The following CCNJL variants were observed in gnomAD, a reference collection of about 807,000 sequenced individuals.
The protein encoded by CCNJL is cyclin J like, also known as cyclin-J-like protein.
Under a neutral mutation model 33.4 loss-of-function variants are expected in CCNJL, and 33 were observed. The observed-to-expected ratio is 0.99, with a 90% CI of 0.75 to 1.32. CCNJL has a LOEUF of 1.32. CCNJL is among the 40% of genes most tolerant of loss of function. The probability of loss-of-function intolerance (pLI) is 0.00; values close to 1 mark genes in which losing one functional copy is unlikely to be tolerated. For synonymous variants in CCNJL, 227 were observed against 220.9 expected, an observed-to-expected ratio of 1.03 and a Z score of -0.24; for missense variants, 512 against 499.7, an observed-to-expected ratio of 1.02 and a Z score of -0.23.
intron 1 of CCNJL, among the ~76,000 whole-genome samples, chr5:160,320,783 T>TC: frequency 6.8e-6 from 1 of 145,986 alleles, no homozygotes; most frequent in Non-Finnish European, 1.5e-5. Context: ...TTCTTTTCTT[T>TC]CTTTCCTTTC....
chr5:160,310,695 T>A (rs1369089276), intron 2 of CCNJL, among the ~76,000 whole-genome samples: 1 of 152,100 alleles, frequency 6.6e-6, no homozygotes, highest in Non-Finnish European at 1.5e-5. Flanking sequence ...TATGATGACA[T>A]CACATTGGAT....
intron 1 of CCNJL, among the ~76,000 whole-genome samples, chr5:160,334,365 C>T (rs1423209505): frequency 1.3e-5 from 2 of 152,204 alleles, no homozygotes; most frequent in Non-Finnish European, 2.9e-5. Flanking sequence ...CTACTCAGCA[C>T]CTGCGCAACC....
chr5:160,254,453 C>G, intron 5 of CCNJL: 1 of 499,710 alleles, frequency 2.0e-6, no homozygotes. Context: ...CTTTGGGGAC[C>G]TTCTCAAAAA....
chr5:160,312,332 A>G (rs1041454369), intron 1 of CCNJL, 32 bp downstream of exon 1: 1 of 220,860 alleles, frequency 4.5e-6, no homozygotes, highest in African/African-American at 2.3e-5. Context: ...TCCTGCTCCC[A>G]CATCCTGCCC....
chr5:160,329,818 A>G (rs1763584238), intron 1 of CCNJL, among the ~76,000 whole-genome samples: 1 of 152,174 alleles, frequency 6.6e-6, no homozygotes, highest in Admixed American at 6.5e-5. Flanking sequence ...ATGAATTGCT[A>G]ATAAAAGCCA....
In CCNJL at chr5:160,255,498, C is replaced by A. The variant is rs781405326; in HGVS notation, c.743+51G>T. On this transcript the variant is annotated intron_variant, in intron 5 of 5. Coordinates refer to ENST00000257536, the MANE Select transcript of CCNJL (RefSeq NM_001308173.3). ...CCGTGGCCTGAGGCAGGCCTCAAGGCAAGAGGAACCTCACTATTTCAGAAA... is the reference window on the plus strand; with the variant it reads ...CCGTGGCCTGAGGCAGGCCTCAAGGAAAGAGGAACCTCACTATTTCAGAAA... 5.7e-6 allele frequency: 9 copies of A among 1,584,074 alleles called. No individual in the cohort carries two copies. In the South Asian group the frequency reaches 7.8e-5, roughly 14 times the overall value.
chr5:160,255,822 T>A, intron 4 of CCNJL, 114 bp from the exon 5 acceptor site: 1 of 851,286 alleles, frequency 1.2e-6, no homozygotes, highest in Non-Finnish European at 1.9e-6. Context: ...ATCGCTGCCC[T>A]ACAAATAGGA....
intron 3 of CCNJL, among the ~76,000 whole-genome samples, chr5:160,269,978 G>T (rs1455583695): frequency 6.6e-6 from 1 of 152,180 alleles, no homozygotes; most frequent in African/African-American, 2.4e-5. Flanking sequence ...TTGTTTTGAG[G>T]ATTAAATTAG....
chr5:160,289,994 G>C (rs956942639), intron 2 of CCNJL, among the ~76,000 whole-genome samples: 4 of 152,290 alleles, frequency 2.6e-5, no homozygotes, highest in South Asian at 4.1e-4. Context: ...TAGCCGGGGA[G>C]GGGGAGGAAA....
At chr5:160,320,300 TG>T (rs1763423880) in intron 1 of CCNJL, among the ~76,000 whole-genome samples, 1 of 152,160 alleles carries the variant, frequency 6.6e-6, no homozygotes, top group Admixed American at 6.5e-5. Context: ...TGGTGAGGCT[TG>T]AGTGAGTAGC....
chr5:160,271,604 G>A (rs1166512657), intron 3 of CCNJL, among the ~76,000 whole-genome samples: 2 of 152,292 alleles, frequency 1.3e-5, no homozygotes, highest in East Asian at 1.9e-4. Context: ...TGTGACATTC[G>A]AGCCCCGTGC....
rs537027000 is a variant in CCNJL at position 160,278,636 on chromosome 5, G to A, written c.280+1889C>T. On this transcript the variant is annotated intron_variant, in intron 3 of 5. Transcript: ENST00000257536. ...TCTGTCTGAAACGTCCCCTCTCTCC[G>A]CCAAGGTGGCAGCAGCACAAAGGAG... 2.2e-3 allele frequency among the ~76,000 whole-genome samples: 342 copies of A among 152,246 alleles called. 2 individuals are homozygous for A. The highest frequency in any genetic ancestry group is 7.8e-3 in the African/African-American group (322 of 41,534).
chr5:160,259,582 G>A lies in CCNJL; in HGVS notation c.470C>T (p.Ala157Val). The part of the protein sequence containing the change: ...PAHFLDYYLL[A>V]SVSQKDHHCH... ...GTGGTGGTCCTTCTGGCTGACGGAGGCCAAGAGGTAGTAGTCCAGGAAGTG... is the reference window on the plus strand; with the variant it reads ...GTGGTGGTCCTTCTGGCTGACGGAGACCAAGAGGTAGTAGTCCAGGAAGTG... The change falls in exon 4 of 6, where the codon GCC becomes GTC. Residue 157 changes from alanine (A) to valine (V), a missense_variant. Ala to Val is a moderately conservative substitution (Grantham distance 64). Transcript: ENST00000257536. The A allele has an allele frequency of 6.2e-7, 1 of 1,614,194 alleles. No homozygotes were observed. Among genetic ancestry groups the A allele is most frequent in the Non-Finnish European group, 8.5e-7 (1 of 1,180,038 alleles).
chr5:160,318,884 T>C (rs1437592607), intron 1 of CCNJL, among the ~76,000 whole-genome samples: 2 of 152,212 alleles, frequency 1.3e-5, no homozygotes, highest in African/African-American at 4.8e-5. Context: ...ATATAAATGA[T>C]AAAAACTCTT....
chr5:160,326,944 A>G, intron 1 of CCNJL: 1 of 624,760 alleles, frequency 1.6e-6, no homozygotes, highest in Non-Finnish European at 3.1e-6. Flanking sequence ...AGGACATAAT[A>G]TTACTCTGCT....
intron 1 of CCNJL, among the ~76,000 whole-genome samples, chr5:160,338,305 C>T (rs1018780599): frequency 1.3e-5 from 2 of 152,090 alleles, no homozygotes; most frequent in Non-Finnish European, 2.9e-5. Flanking sequence ...GAGGCTGAGG[C>T]GGGAGAATCT....
chr5:160,314,883 G>A (rs1429943603), upstream of CCNJL, among the ~76,000 whole-genome samples: 1 of 152,208 alleles, frequency 6.6e-6, no homozygotes, highest in African/African-American at 2.4e-5. Context: ...GTACTTTTTT[G>A]TTAAGGAATT....
In CCNJL at chr5:160,251,320, C is replaced by T. The variant is rs1760795371; in HGVS notation, c.*2058G>A. On this transcript the variant is annotated 3_prime_UTR_variant, in exon 6 of 6. Coordinates refer to ENST00000257536, the MANE Select transcript of CCNJL (RefSeq NM_001308173.3). ...ATCAGCTCTTACCTGAATTTCCAGC[C>T]TGCTGACATGCCCCACAAATTTTAG... 1 of 152,246 alleles carries T rather than the reference C, an allele frequency of 6.6e-6. No individual in the cohort carries two copies. The allele number at this position is 152,246 out of a possible 1,614,324, so 9.4% of individuals were successfully genotyped here.
intron 1 of CCNJL, among the ~76,000 whole-genome samples, chr5:160,327,694 T>C (rs1763554333): frequency 6.6e-6 from 1 of 152,034 alleles, no homozygotes; most frequent in Non-Finnish European, 1.5e-5. Flanking sequence ...TTGTCAGAGG[T>C]CCTGGCAGGA....
Sources: gnomAD v4.1 joint callset for allele counts (sites outside exome capture counted in the v4.1 genomes callset) on GRCh38, gnomAD v4.1.1 for gene constraint, MANE v1.5 for transcripts, NCBI Gene and HGNC (gene_info 2026-07-23, HGNC 2026-07-21) for gene names.